The following XRN2 variants were observed in gnomAD, a reference collection of about 807,000 sequenced individuals.
The protein encoded by XRN2 is DHM1-like protein.
Under a neutral mutation model 138.5 loss-of-function variants are expected in XRN2, and 44 were observed. That is an observed-to-expected ratio of 0.32 (90% CI 0.25 to 0.41). The LOEUF (loss-of-function observed/expected upper bound fraction) is 0.41, where lower values mean the gene tolerates loss of function less well. Among genes scored for constraint, XRN2 ranks in the 10% least tolerant of loss-of-function variants. XRN2 has a pLI of 1.00. For missense variants in XRN2, 937 were observed against 1,169.3 expected (o/e 0.80, Z 2.90); for synonymous variants, 354 against 369.4 (o/e 0.96, Z 0.48).
At chr20:21,319,323 T>G (rs1482749842) in intron 1 of XRN2, among the ~76,000 whole-genome samples, 1 of 152,168 alleles carries the variant, frequency 6.6e-6, no homozygotes, top group Non-Finnish European at 1.5e-5. Flanking sequence ...ATCATGTTTT[T>G]AAAATCCACT....
At chr20:21,361,942 G>T (rs1220145496) in intron 24 of XRN2, among the ~76,000 whole-genome samples, 1 of 152,206 alleles carries the variant, frequency 6.6e-6, no homozygotes, top group Non-Finnish European at 1.5e-5. Flanking sequence ...AGGAGAGAGT[G>T]TGTCTTCAAA....
Position 21,357,796 on chromosome 20 carries a change from A to G in XRN2, c.2255+4A>G, listed in dbSNP as rs563823054. ...TGACACAGAACACTGTAGTCAGGTAAGTTTTCCAAAATTCATGGCATTCAC... is the reference window on the plus strand; with the variant it reads ...TGACACAGAACACTGTAGTCAGGTAGGTTTTCCAAAATTCATGGCATTCAC... On this transcript the variant is annotated splice_donor_region_variant and intron_variant, in intron 24 of 29. Coordinates refer to ENST00000377191, the MANE Select transcript of XRN2 (RefSeq NM_012255.5). 2.0e-4 allele frequency: 313 copies of G among 1,599,062 alleles called. 1 individual carries two copies. The East Asian group carries it at 6.8e-3, about 35-fold the overall frequency.
chr20:21,372,877 CT>C (rs2038778593), intron 27 of XRN2, among the ~76,000 whole-genome samples: 1 of 152,024 alleles, frequency 6.6e-6, no homozygotes, highest in Admixed American at 6.6e-5. Context: ...CATACATTAC[CT>C]TTTTGTTTTT....
intron 1 of XRN2, among the ~76,000 whole-genome samples, chr20:21,308,779 ACTT>A (rs199907296): frequency 6.6e-6 from 1 of 152,062 alleles, no homozygotes; most frequent in Non-Finnish European, 1.5e-5. Context: ...TTGTCTTTTT[ACTT>A]CTTAACAGTG....
At chr20:21,312,900 G>A (rs909249446) in intron 1 of XRN2, among the ~76,000 whole-genome samples, 1 of 152,116 alleles carries the variant, frequency 6.6e-6, no homozygotes, top group East Asian at 1.9e-4. Flanking sequence ...CCATGCCTGG[G>A]CCCTAGATAA....
intron 27 of XRN2, among the ~76,000 whole-genome samples, chr20:21,377,264 C>CTTTTTCTTTTTTTTTTTT (rs1555788242): frequency 1.2e-5 from 1 of 82,782 alleles, no homozygotes; most frequent in South Asian, 5.0e-4. Flanking sequence ...TCGGTTTTTT[C>CTTTTTCTTTTTTTTTTTT]TTTTTTTTTT....
chr20:21,308,231 AT>A (rs1470773083), intron 1 of XRN2, among the ~76,000 whole-genome samples: 1 of 151,982 alleles, frequency 6.6e-6, no homozygotes, highest in Admixed American at 6.6e-5. Flanking sequence ...GATACACCAC[AT>A]TTTATTTATT....
At chr20:21,334,715 A>G (rs1203699566) in intron 13 of XRN2, among the ~76,000 whole-genome samples, 4 of 152,202 alleles carry the variant, frequency 2.6e-5, no homozygotes, top group African/African-American at 7.2e-5. Flanking sequence ...GAGCGCTTAC[A>G]TGAAAAGTCC....
chr20:21,341,829 A>G (rs2038376217), intron 15 of XRN2, among the ~76,000 whole-genome samples: 1 of 152,140 alleles, frequency 6.6e-6, no homozygotes, highest in Non-Finnish European at 1.5e-5. Flanking sequence ...GTGGTGTTAT[A>G]TGCCCTGTTG....
chr20:21,372,954 C>T (rs1023293982), intron 27 of XRN2, among the ~76,000 whole-genome samples: 1 of 151,984 alleles, frequency 6.6e-6, no homozygotes, highest in Admixed American at 6.6e-5. Context: ...GCCTTTTTTT[C>T]AGTCTTTGTT....
intron 28 of XRN2, among the ~76,000 whole-genome samples, chr20:21,383,979 A>C (rs1415554304): frequency 6.6e-6 from 1 of 152,198 alleles, no homozygotes; most frequent in African/African-American, 2.4e-5. Context: ...AGGTTTTACC[A>C]GTTCTTAGTT....
chr20:21,332,817 A>G (rs958289384), intron 9 of XRN2, among the ~76,000 whole-genome samples: 17 of 152,174 alleles, frequency 1.1e-4, no homozygotes, highest in African/African-American at 3.9e-4. Context: ...TAGTTCCCAT[A>G]GATAATAATG....
intron 27 of XRN2, among the ~76,000 whole-genome samples, chr20:21,379,027 A>G (rs6132420): frequency 0.078 from 11,892 of 152,196 alleles, 584 homozygotes; most frequent in East Asian, 0.16. Flanking sequence ...AAACTTGTCA[A>G]TTAGCCACGT....
At chr20:21,313,956 C>T (rs1446258851) in intron 1 of XRN2, among the ~76,000 whole-genome samples, 1 of 152,218 alleles carries the variant, frequency 6.6e-6, no homozygotes, top group Non-Finnish European at 1.5e-5. Context: ...AAAATTCACC[C>T]ATTTAAAGTG....
At position 21,349,428 on chromosome 20, in the gene XRN2, A is replaced by C; in HGVS notation, c.1903A>C (p.Ile635Leu). The change falls in exon 20 of 30, where the codon ATT becomes CTT. Residue 635 changes from isoleucine (I) to leucine (L), a missense_variant. By Grantham distance (5) the Ile-to-Leu change is conservative. Coordinates refer to ENST00000377191, the MANE Select transcript of XRN2 (RefSeq NM_012255.5). Reference sequence around the variant, plus strand: ...TGACTTCTATCCTGAAGATTTTGCTATTGATTTGAATGGGAAGAAATATGC... The same window carrying C: ...TGACTTCTATCCTGAAGATTTTGCTCTTGATTTGAATGGGAAGAAATATGC... ...IIDFYPEDFAIDLNGKKYAWQ... is the reference protein window; with the variant it reads ...IIDFYPEDFALDLNGKKYAWQ... The C allele has an allele frequency of 6.2e-7, 1 of 1,608,528 alleles. No individual in the cohort carries two copies. The highest frequency in any genetic ancestry group is 8.5e-7 in the Non-Finnish European group (1 of 1,175,320).
rs1403887815 is a variant in XRN2 at position 21,346,621 on chromosome 20, G to A, written c.1665+71G>A. 7 of 1,559,304 alleles carry A rather than the reference G, an allele frequency of 4.5e-6. No individual in the cohort carries two copies. In the African/African-American group the frequency reaches 9.7e-5, roughly 22 times the overall value. On this transcript the variant is annotated intron_variant, in intron 17 of 29. Coordinates refer to ENST00000377191, the MANE Select transcript of XRN2 (RefSeq NM_012255.5). ...GAAAAATAGTAATTTCTTTTTTTTT[G>A]TTTGTTTTTTGTTTTTGAGACGGAG...
intron 1 of XRN2, among the ~76,000 whole-genome samples, chr20:21,308,907 C>G (rs139352479): frequency 6.6e-6 from 1 of 152,184 alleles, no homozygotes; most frequent in African/African-American, 2.4e-5. Context: ...CCTGTGTTTT[C>G]TTAGAGAAGT....
intron 20 of XRN2, among the ~76,000 whole-genome samples, chr20:21,353,794 T>TAAAAAA (rs11483541): frequency 7.2e-6 from 1 of 138,956 alleles, no homozygotes; most frequent in Non-Finnish European, 1.5e-5. Flanking sequence ...GACCCTATCT[T>TAAAAAA]AAAAAAAAAA....
chr20:21,333,540 G>A lies in XRN2; in HGVS notation c.859-4G>A. ...TTGTTTCATCTTCATTCCTGTTCTT[G>A]CAGCATGATGAACTTGCCGATAGTC... is the stretch of plus-strand genomic sequence containing the variant. On this transcript the variant is annotated splice_polypyrimidine_tract_variant and splice_region_variant and intron_variant, in intron 9 of 29. Coordinates refer to ENST00000377191, the MANE Select transcript of XRN2 (RefSeq NM_012255.5). 1 of 1,611,978 alleles carries A rather than the reference G, an allele frequency of 6.2e-7. No homozygotes were observed. The highest frequency in any genetic ancestry group is 8.5e-7 in the Non-Finnish European group (1 of 1,178,118).
Sources: allele counts gnomAD v4.1 joint callset (sites outside exome capture counted in the v4.1 genomes callset), GRCh38; gene constraint gnomAD v4.1.1; transcripts MANE v1.5; gene names NCBI Gene and HGNC (gene_info 2026-07-23, HGNC 2026-07-21).